ARFGEF3: variants seen among roughly 807,000 people sequenced by gnomAD.
ARFGEF3 encodes the protein brefeldin A-inhibited guanine nucleotide-exchange protein 3.
A neutral mutation model predicts 221.7 loss-of-function variants in ARFGEF3; 96 were observed. The observed-to-expected ratio is 0.43, with a 90% CI of 0.37 to 0.51. ARFGEF3 has a LOEUF of 0.51. Ranked by LOEUF, ARFGEF3 falls within the 20% of genes least tolerant of loss-of-function variation. The pLI is 0.00. For missense variants in ARFGEF3, 2,410 were observed against 2,789.9 expected (o/e 0.86, Z 3.07); for synonymous variants, 1,145 against 1,126.8 (o/e 1.02, Z -0.32).
intron 32 of ARFGEF3, among the ~76,000 whole-genome samples, chr6:138,331,821 T>G (rs1337424545): frequency 6.6e-6 from 1 of 152,208 alleles, no homozygotes; most frequent in African/African-American, 2.4e-5. Context: ...CGTAGATGAT[T>G]AAGAATTGCA....
chr6:138,262,983 C>G lies in ARFGEF3; in HGVS notation c.1500C>G (p.Ser500Arg), dbSNP rs374364065. Residue 500 changes from serine (S) to arginine (R), a missense_variant, in exon 12 of 34, where the codon AGC (serine) becomes AGG (arginine). By Grantham distance (110) the Ser-to-Arg change is moderately radical. This residue lies in a region of ARFGEF3 where 594 missense variants were observed against 734.3 expected (regional missense o/e 0.81). Coordinates refer to ENST00000251691, the MANE Select transcript of ARFGEF3 (RefSeq NM_020340.5). Reference protein sequence around the residue: ...HTPWESGNERSLDISISVTTD... With the variant: ...HTPWESGNERRLDISISVTTD... ...CGTGGGAGTCAGGGAACGAGAGGAG[C>G]CTTGACATCAGCATCAGTGTCACCA... 5 of 1,599,554 alleles carry G rather than the reference C, an allele frequency of 3.1e-6. No individual in the cohort carries two copies. The highest frequency in any genetic ancestry group is 2.3e-5 in the East Asian group (1 of 43,986).
intron 2 of ARFGEF3, among the ~76,000 whole-genome samples, chr6:138,204,611 T>C (rs1392086789): frequency 1.3e-5 from 2 of 152,210 alleles, no homozygotes; most frequent in Non-Finnish European, 2.9e-5. Flanking sequence ...ATATTTATTA[T>C]GGGGCTCTTT....
chr6:138,318,953 A>G (rs993213065), intron 27 of ARFGEF3, among the ~76,000 whole-genome samples: 2 of 152,172 alleles, frequency 1.3e-5, no homozygotes, highest in African/African-American at 4.8e-5. Flanking sequence ...CTGACAAAGA[A>G]TAATCTCACA....
intron 1 of ARFGEF3, among the ~76,000 whole-genome samples, chr6:138,167,579 T>TA (rs1487931987): frequency 6.6e-6 from 1 of 152,238 alleles, no homozygotes; most frequent in African/African-American, 2.4e-5. Flanking sequence ...TCATCCTTGA[T>TA]ACATTTCTGT....
chr6:138,258,358 T>C (rs1778723657), intron 10 of ARFGEF3, among the ~76,000 whole-genome samples: 1 of 152,212 alleles, frequency 6.6e-6, no homozygotes, highest in African/African-American at 2.4e-5. Flanking sequence ...ACAAACTCCC[T>C]TAAGAAGATA....
chr6:138,203,790 G>A (rs181579629), intron 2 of ARFGEF3, among the ~76,000 whole-genome samples: 33 of 152,166 alleles, frequency 2.2e-4, no homozygotes, highest in South Asian at 6.2e-4. Context: ...ACAGGCCCAC[G>A]CCACCATGCC....
intron 5 of ARFGEF3, among the ~76,000 whole-genome samples, chr6:138,234,581 G>A (rs961985987): frequency 1.3e-5 from 2 of 152,168 alleles, no homozygotes; most frequent in Non-Finnish European, 2.9e-5. Context: ...TTAGGAAGGA[G>A]AGAATAAGGA....
At chr6:138,247,905 T>C (rs1778514632) in intron 8 of ARFGEF3, among the ~76,000 whole-genome samples, 1 of 152,204 alleles carries the variant, frequency 6.6e-6, no homozygotes, top group Admixed American at 6.5e-5. Context: ...TAGTAACTTC[T>C]TATATGAGGG....
At chr6:138,278,157 A>C (rs550726828) in intron 12 of ARFGEF3, among the ~76,000 whole-genome samples, 3 of 152,258 alleles carry the variant, frequency 2.0e-5, no homozygotes, top group Non-Finnish European at 2.9e-5. Context: ...AATTCTTCTT[A>C]TTATAGGAAA....
chr6:138,177,409 G>A (rs1458876946), intron 2 of ARFGEF3, among the ~76,000 whole-genome samples: 2 of 152,066 alleles, frequency 1.3e-5, no homozygotes, highest in Non-Finnish European at 2.9e-5. Context: ...ATGAGCTACT[G>A]CACCTGGCTC....
In ARFGEF3 at chr6:138,286,854, G is replaced by C; in HGVS notation, c.2723G>C (p.Arg908Pro). The C allele has an allele frequency of 6.2e-7, 1 of 1,613,946 alleles. No individual in the cohort carries two copies. ...EGIKEQNQKERDAICMSLDGL... is the reference protein window; with the variant it reads ...EGIKEQNQKEPDAICMSLDGL... ...ATCAAAGAGCAGAACCAGAAGGAGC[G>C]GGACGCCATCTGCATGAGCCTCGAC... Residue 908 changes from arginine to proline, a missense_variant, in exon 16 of 34, where the codon CGG (arginine) becomes CCG (proline). Physicochemically the swap from Arg to Pro is moderately radical, Grantham distance 103. Transcript: ENST00000251691.
At chr6:138,246,950 T>C (rs1679138891) in intron 8 of ARFGEF3, among the ~76,000 whole-genome samples, 1 of 152,226 alleles carries the variant, frequency 6.6e-6, no homozygotes, top group Admixed American at 6.5e-5. Flanking sequence ...TTACTATATA[T>C]ATAAATCCTA....
intron 14 of ARFGEF3, 112 bp downstream of exon 14, chr6:138,280,276 C>A: frequency 9.9e-7 from 1 of 1,005,134 alleles, no homozygotes; most frequent in Non-Finnish European, 1.5e-6. Flanking sequence ...AAACAGCACC[C>A]ACAAAGCTTC....
intron 5 of ARFGEF3, among the ~76,000 whole-genome samples, chr6:138,234,475 CGTGTGT>C (rs10642229): frequency 1.4e-5 from 2 of 148,088 alleles, no homozygotes; most frequent in Non-Finnish European, 3.0e-5. Context: ...CAGTTCACCC[CGTGTGT>C]GTGTGTGTGT....
At chr6:138,194,264 T>C (rs1777367071) in intron 2 of ARFGEF3, among the ~76,000 whole-genome samples, 1 of 139,414 alleles carries the variant, frequency 7.2e-6, no homozygotes, top group Non-Finnish European at 1.5e-5. Flanking sequence ...CAAGACTCCG[T>C]CTCCAAAAAA....
intron 32 of ARFGEF3, among the ~76,000 whole-genome samples, chr6:138,329,564 T>C (rs1000494534): frequency 3.3e-5 from 5 of 152,194 alleles, no homozygotes; most frequent in Admixed American, 6.5e-5. Context: ...CTCAGGAGAC[T>C]GAGGCAGGAG....
At chr6:138,270,035 C>T (rs1194625220) in intron 12 of ARFGEF3, among the ~76,000 whole-genome samples, 1 of 151,976 alleles carries the variant, frequency 6.6e-6, no homozygotes, top group Non-Finnish European at 1.5e-5. Flanking sequence ...CATCTATAGT[C>T]TGAGCAAGAA....
chr6:138,195,105 C>T (rs146651596), intron 2 of ARFGEF3, among the ~76,000 whole-genome samples: 1,493 of 142,662 alleles, frequency 0.01, 12 homozygotes, highest in Non-Finnish European at 0.017. Context: ...CAGGTTCAAG[C>T]GATGTTTCTG....
chr6:138,192,897 G>A (rs1372583576), intron 2 of ARFGEF3, among the ~76,000 whole-genome samples: 1 of 152,106 alleles, frequency 6.6e-6, no homozygotes, highest in African/African-American at 2.4e-5. Context: ...ACCAAGAGTA[G>A]TTTGACTCCA....
Sources: gnomAD v4.1 joint callset for allele counts (sites outside exome capture counted in the v4.1 genomes callset) on GRCh38, gnomAD v4.1.1 for gene constraint, gnomAD v4.1.1 regional missense constraint, MANE v1.5 for transcripts, NCBI Gene and HGNC (gene_info 2026-07-23, HGNC 2026-07-21) for gene names.